CCDC32: variants seen among roughly 807,000 people sequenced by gnomAD.
CCDC32 encodes the protein coiled-coil domain-containing protein 32.
Under a neutral mutation model 20.1 loss-of-function variants are expected in CCDC32, and 9 were observed. That is an observed-to-expected ratio of 0.45 (90% CI 0.27 to 0.78). CCDC32 has a LOEUF of 0.78. CCDC32 is among the 30% of genes least tolerant of loss of function. The pLI, the probability that CCDC32 is intolerant of heterozygous loss-of-function variation, is 0.16. For missense variants in CCDC32, 204 were observed against 215.5 expected (o/e 0.95, Z 0.33); for synonymous variants, 63 against 79.0 (o/e 0.80, Z 1.07).
At chr15:40,529,877 G>A (rs1370082372) in intron 3 of CCDC32, among the ~76,000 whole-genome samples, 1 of 151,042 alleles carries the variant, frequency 6.6e-6, no homozygotes, top group African/African-American at 2.4e-5. Flanking sequence ...TAGCCAGGAT[G>A]GTCTCGATCT....
downstream of CCDC32, chr15:40,535,723 T>G: frequency 3.6e-6 from 3 of 834,000 alleles, no homozygotes; most frequent in Non-Finnish European, 4.3e-6. Flanking sequence ...ACATGTGGTT[T>G]ATTTAATCAT....
At chr15:40,529,281 A>T (rs1470822173) in intron 3 of CCDC32, among the ~76,000 whole-genome samples, 1 of 152,246 alleles carries the variant, frequency 6.6e-6, no homozygotes, top group Non-Finnish European at 1.5e-5. Flanking sequence ...AGGGCCTTGC[A>T]TCCTGAACCT....
chr15:40,554,215 T>G, intron 3 of CCDC32, 88 bp from the exon 4 acceptor site: 1 of 1,498,286 alleles, frequency 6.7e-7, no homozygotes, highest in South Asian at 1.3e-5. Context: ...AACACTACCT[T>G]CCCGCCCACC....
At chr15:40,533,167 T>G (rs536043413), downstream of CCDC32, among the ~76,000 whole-genome samples, 1 of 152,238 alleles carries the variant, frequency 6.6e-6, no homozygotes, top group East Asian at 1.9e-4. Flanking sequence ...TGCCCCAGGC[T>G]CTGTTCTAGT....
chr15:40,522,223 T>C, the CCDC32 span, among the ~76,000 whole-genome samples: 72,273 of 152,028 alleles, frequency 0.48, 19,375 homozygotes, highest in East Asian at 0.75. Flanking sequence ...TATTTTTTTC[T>C]CCATTCAATT....
At chr15:40,529,266 A>G (rs1226129881) in intron 3 of CCDC32, among the ~76,000 whole-genome samples, 2 of 152,246 alleles carry the variant, frequency 1.3e-5, no homozygotes, top group Non-Finnish European at 2.9e-5. Flanking sequence ...CGAAGAATAC[A>G]GAAAAGGGCC....
Position 40,562,818 on chromosome 15 carries a change from C to CTTTA in CCDC32, c.194_197dup (p.Lys66AsnfsTer66). ...CTGAATCCTGCAAGGGAGCCCAAGG[C>CTTTA]TTTACAGCTGGCTGGACAGCAAAGT... On this transcript the variant is annotated frameshift_variant, in exon 2 of 4. Coordinates refer to ENST00000416810, the MANE Select transcript of CCDC32 (RefSeq NM_001080792.4). LOFTEE classifies it high-confidence loss of function. The CTTTA allele has an allele frequency of 6.2e-7, 1 of 1,614,214 alleles. No individual in the cohort carries two copies. The highest frequency in any genetic ancestry group is 2.2e-5 in the East Asian group (1 of 44,884).
downstream of CCDC32, among the ~76,000 whole-genome samples, chr15:40,525,820 A>C (rs774969731): frequency 5.3e-5 from 8 of 152,242 alleles, no homozygotes; most frequent in Non-Finnish European, 1.2e-4. Flanking sequence ...TCCAAGCCTT[A>C]GAAGCCACCC....
chr15:40,539,505 C>A (rs912160290), intron 3 of CCDC32: 9 of 669,728 alleles, frequency 1.3e-5, no homozygotes, highest in Non-Finnish European at 2.3e-5. Flanking sequence ...CAGCCTCAGC[C>A]GTGCAGGACT....
intron 2 of CCDC32, among the ~76,000 whole-genome samples, chr15:40,561,507 A>C (rs1050261559): frequency 4.6e-5 from 7 of 151,980 alleles, no homozygotes; most frequent in African/African-American, 1.4e-4. Flanking sequence ...CAAAAAAAAA[A>C]CAAAACACAA....
In CCDC32 at chr15:40,554,583, G is replaced by A. The variant is rs552227270; in HGVS notation, c.402-456C>T. Among the ~76,000 whole-genome samples the A allele has an allele frequency of 3.9e-5, 6 of 152,252 alleles. No individual in the cohort carries two copies. In the South Asian group the frequency reaches 1.2e-3, roughly 32 times the overall value. On this transcript the variant is annotated intron_variant, in intron 3 of 3. Coordinates refer to ENST00000416810, the MANE Select transcript of CCDC32 (RefSeq NM_001080792.4). ...TGAGGCAGTCTGGGACTCAATTATA[G>A]CACTTACTTGCACTAAGTGATTTTT... is the stretch of plus-strand genomic sequence containing the variant.
chr15:40,541,180 C>T (rs28647196), intron 3 of CCDC32, among the ~76,000 whole-genome samples: 44,753 of 152,124 alleles, frequency 0.29, 8,372 homozygotes, highest in Non-Finnish European at 0.42. Context: ...CTCTCCTCTG[C>T]GTGAGGCTTT....
chr15:40,540,350 AT>A (rs1166830011), intron 3 of CCDC32, among the ~76,000 whole-genome samples: 2 of 139,144 alleles, frequency 1.4e-5, no homozygotes, highest in Admixed American at 7.2e-5. Flanking sequence ...TCTTCTTAGC[AT>A]TTTTTTCTTT....
At chr15:40,523,373 G>T in the CCDC32 span, among the ~76,000 whole-genome samples, 1,922 of 151,736 alleles carry the variant, frequency 0.013, 42 homozygotes, top group African/African-American at 0.044. Flanking sequence ...GCATAGTGGC[G>T]CATGCCTGTA....
downstream of CCDC32, chr15:40,528,623 A>G: frequency 3.2e-6 from 2 of 622,896 alleles, no homozygotes; most frequent in South Asian, 3.8e-5. Flanking sequence ...CTGGTAATGC[A>G]GAAGGCCTGA....
downstream of CCDC32, among the ~76,000 whole-genome samples, chr15:40,526,498 A>T (rs903152566): frequency 6.6e-6 from 1 of 152,212 alleles, no homozygotes; most frequent in South Asian, 2.1e-4. Flanking sequence ...TTAGACATTC[A>T]GATTGTCTCC....
downstream of CCDC32, among the ~76,000 whole-genome samples, chr15:40,551,562 A>C (rs1395610621): frequency 1.3e-5 from 2 of 152,104 alleles, no homozygotes; most frequent in African/African-American, 4.8e-5. Flanking sequence ...TCCTGCCAAT[A>C]AAATGCAGTA....
intron 1 of CCDC32, among the ~76,000 whole-genome samples, chr15:40,563,907 G>A (rs1217878474): frequency 1.3e-5 from 2 of 150,686 alleles, no homozygotes; most frequent in Admixed American, 6.7e-5. Context: ...TGCAACCTCC[G>A]CCTCCCGGGT....
Position 40,553,134 on chromosome 15 carries a change from T to A in CCDC32, c.*837A>T. 3 of 985,394 alleles carry A rather than the reference T, an allele frequency of 3.0e-6. No individual in the cohort carries two copies. Among genetic ancestry groups the A allele is most frequent in the Non-Finnish European group, 3.6e-6 (3 of 829,948 alleles). 61.0% of individuals were successfully genotyped at this position (985,394 alleles called of 1,614,324 possible). A position where few individuals can be genotyped will look rare whatever the true frequency, so the allele number is the denominator to read the frequency against. ...AAAAGTTTTATATGGAAACACATAC[T>A]GATCATGAACACAATAAACAGGGAG... is the stretch of plus-strand genomic sequence containing the variant. On this transcript the variant is annotated 3_prime_UTR_variant, in exon 4 of 4. Coordinates refer to ENST00000416810, the MANE Select transcript of CCDC32 (RefSeq NM_001080792.4).
Sources: gnomAD v4.1 joint callset for allele counts (sites outside exome capture counted in the v4.1 genomes callset) on GRCh38, gnomAD v4.1.1 for gene constraint, MANE v1.5 for transcripts, NCBI Gene and HGNC (gene_info 2026-07-23, HGNC 2026-07-21) for gene names.